LIMCH1: variants seen among roughly 807,000 people sequenced by gnomAD.
The protein encoded by LIMCH1 is LIM and calponin homology domains-containing protein 1.
LIMCH1 carries 113 observed loss-of-function variants against 176.5 expected under a neutral mutation model. That is an observed-to-expected ratio of 0.64 (90% CI 0.55 to 0.75). The LOEUF is 0.75. LIMCH1 is among the 30% of genes least tolerant of loss of function. The pLI is 0.00. For synonymous variants in LIMCH1, 619 were observed against 645.9 expected, an observed-to-expected ratio of 0.96 and a Z score of 0.63; for missense variants, 1,674 against 1,814.9, an observed-to-expected ratio of 0.92 and a Z score of 1.41.
At position 41,642,723 on chromosome 4, in the gene LIMCH1, T is replaced by TTTTTTTC. The variant is rs1295433896; in HGVS notation, c.2127-1763_2127-1757dup. Among the ~76,000 whole-genome samples, 62 of 125,962 alleles carry TTTTTTTC rather than the reference T, an allele frequency of 4.9e-4. 1 individual carries two copies. Among genetic ancestry groups the TTTTTTTC allele is most frequent in the Non-Finnish European group, 6.7e-5 (4 of 59,732 alleles). 82.6% of individuals were successfully genotyped at this position (125,962 alleles called of 152,430 possible). ...ATAGGCGTGTGCTAGCATGCCTAAT[T>TTTTTTTC]TTTTTTCTTTTTTCTTTTTTTTTTT... On this transcript the variant is annotated intron_variant, in intron 14 of 31. Transcript: ENST00000503057.
intron 1 of LIMCH1, among the ~76,000 whole-genome samples, chr4:41,378,590 T>G (rs2154101611): frequency 6.6e-6 from 1 of 152,282 alleles, no homozygotes; most frequent in South Asian, 2.1e-4. Context: ...AAGAAGACAT[T>G]GGTGGTAGTG....
At chr4:41,613,758 T>A in intron 5 of LIMCH1, 97 bp downstream of exon 5, 1 of 1,011,264 alleles carries the variant, frequency 9.9e-7, no homozygotes, top group Non-Finnish European at 1.5e-6. Context: ...GAAAGCAGGC[T>A]CCATATCCAC....
chr4:41,481,599 C>T (rs993125087), intron 1 of LIMCH1, among the ~76,000 whole-genome samples: 1 of 152,034 alleles, frequency 6.6e-6, no homozygotes, highest in Admixed American at 6.6e-5. Flanking sequence ...GTGGCAACTG[C>T]AGTTGTCTGG....
Position 41,632,732 on chromosome 4 carries a change from T to G in LIMCH1, c.1602-17T>G. 1 of 1,529,156 alleles carries G rather than the reference T, an allele frequency of 6.5e-7. No homozygotes were observed. The highest frequency in any genetic ancestry group is 8.8e-7 in the Non-Finnish European group (1 of 1,140,580). The allele number at this position is 1,529,156 out of a possible 1,614,324, so 94.7% of individuals were successfully genotyped here. On this transcript the variant is annotated splice_polypyrimidine_tract_variant and intron_variant, in intron 10 of 31. Transcript: ENST00000503057. ...TCCTCTCCTCTCTTGCCACCAATGC[T>G]ACTTGATCGTCTGCAGAACAATGAA...
Position 41,631,403 on chromosome 4 carries a change from C to T in LIMCH1, c.1527C>T (p.Asp509=). The T allele has an allele frequency of 1.3e-6, 2 of 1,536,104 alleles. No individual in the cohort carries two copies. Among genetic ancestry groups the T allele is most frequent in the African/African-American group, 1.4e-5 (1 of 73,176 alleles). ...VICHGSKIQM[D]SVSPVSAATS... ...GTCATGGCAGCAAGATTCAAATGGACTCTGTGTCTCCTGTCTCAGCGGCCA... is the reference window on the plus strand; with the variant it reads ...GTCATGGCAGCAAGATTCAAATGGATTCTGTGTCTCCTGTCTCAGCGGCCA... The change falls in exon 10 of 32, where the codon GAC becomes GAT. Residue 509 remains aspartate (D), a synonymous_variant. Coordinates refer to ENST00000503057, the MANE Select transcript of LIMCH1 (RefSeq NM_001330672.2).
At chr4:41,495,992 A>G (rs1206848115) in intron 2 of LIMCH1, among the ~76,000 whole-genome samples, 1 of 152,216 alleles carries the variant, frequency 6.6e-6, no homozygotes, top group Non-Finnish European at 1.5e-5. Flanking sequence ...ACTCTTAGGT[A>G]AGCTGCAGTT....
At chr4:41,470,869 G>T (rs990454440) in intron 1 of LIMCH1, among the ~76,000 whole-genome samples, 6 of 151,748 alleles carry the variant, frequency 4.0e-5, no homozygotes, top group Non-Finnish European at 1.5e-5. Context: ...ATTGTCTAGG[G>T]CCTGGGTTGA....
Position 41,613,614 on chromosome 4 carries a change from C to G in LIMCH1, c.158C>G (p.Ser53Cys), listed in dbSNP as rs1166486642. ...FDSLDSFGSRSRQTPSPDVVL... is the reference protein window; with the variant it reads ...FDSLDSFGSRCRQTPSPDVVL... ...AGCCTGGATTCCTTTGGCTCTCGCT[C>G]TCGGCAGACGCCTTCACCAGATGTA... The change falls in exon 5 of 32, where the codon TCT becomes TGT. Residue 53 changes from serine (S) to cysteine (C), a missense_variant. This residue lies in a region of LIMCH1 where 655 missense variants were observed against 692.2 expected (regional missense o/e 0.95). Transcript: ENST00000503057. 5 of 1,614,032 alleles carry G rather than the reference C, an allele frequency of 3.1e-6. No individual in the cohort carries two copies. The highest frequency in any genetic ancestry group is 4.2e-6 in the Non-Finnish European group (5 of 1,180,030).
intron 1 of LIMCH1, among the ~76,000 whole-genome samples, chr4:41,440,418 C>T (rs1364205250): frequency 2.0e-5 from 3 of 152,082 alleles, no homozygotes; most frequent in Non-Finnish European, 4.4e-5. Context: ...GTTATGTGAA[C>T]CAGTATTGGT....
chr4:41,424,890 G>T (rs1321624723), intron 1 of LIMCH1, among the ~76,000 whole-genome samples: 1 of 152,082 alleles, frequency 6.6e-6, no homozygotes, highest in Non-Finnish European at 1.5e-5. Context: ...CTTCTTTTAG[G>T]CTCTGCAGCA....
At chr4:41,574,536 G>A (rs555583904) in intron 1 of LIMCH1, among the ~76,000 whole-genome samples, 1 of 151,846 alleles carries the variant, frequency 6.6e-6, no homozygotes, top group African/African-American at 2.4e-5. Flanking sequence ...TGATCCACCT[G>A]CCTCAGTCTC....
chr4:41,483,316 G>A (rs2068969386), intron 1 of LIMCH1, among the ~76,000 whole-genome samples: 1 of 152,116 alleles, frequency 6.6e-6, no homozygotes, highest in South Asian at 2.1e-4. Context: ...AGGGATGGTG[G>A]TTCTAAAGGA....
intron 1 of LIMCH1, among the ~76,000 whole-genome samples, chr4:41,461,315 G>A (rs938768507): frequency 3.9e-5 from 6 of 152,168 alleles, no homozygotes; most frequent in African/African-American, 1.4e-4. Flanking sequence ...TCTCACTCGA[G>A]TCCTAGAATG....
chr4:41,463,648 T>A (rs1303637000), intron 1 of LIMCH1, among the ~76,000 whole-genome samples: 1 of 151,658 alleles, frequency 6.6e-6, no homozygotes, highest in Admixed American at 6.6e-5. Flanking sequence ...TGATCTCGGC[T>A]CACTGCAGCC....
intron 1 of LIMCH1, among the ~76,000 whole-genome samples, chr4:41,456,473 C>T (rs889020933): frequency 6.6e-6 from 1 of 152,168 alleles, no homozygotes; most frequent in Non-Finnish European, 1.5e-5. Context: ...TTATCAGACT[C>T]ATCTAGATTG....
chr4:41,380,807 G>A lies in LIMCH1; in HGVS notation c.96+19871G>A, dbSNP rs531008721. 5.9e-5 allele frequency among the ~76,000 whole-genome samples: 9 copies of A among 152,270 alleles called. No individual in the cohort carries two copies. In the South Asian group the frequency reaches 1.2e-3, roughly 21 times the overall value. ...AAGAGATGTGCATCCAGGGAATACAGTTATATTCTGTCTGCCAACAACATC... is the reference window on the plus strand; with the variant it reads ...AAGAGATGTGCATCCAGGGAATACAATTATATTCTGTCTGCCAACAACATC... On this transcript the variant is annotated intron_variant, in intron 1 of 26. Transcript: ENST00000313860.
intron 2 of LIMCH1, among the ~76,000 whole-genome samples, chr4:41,495,590 G>A (rs982538903): frequency 3.5e-4 from 54 of 152,286 alleles, no homozygotes; most frequent in African/African-American, 1.2e-3. Context: ...GACACGGAAG[G>A]AATGTGGGTT....
chr4:41,640,680 C>A (rs2093782528), intron 14 of LIMCH1, among the ~76,000 whole-genome samples: 1 of 152,146 alleles, frequency 6.6e-6, no homozygotes, highest in Admixed American at 6.5e-5. Context: ...GGAATTTATT[C>A]TTAAAATAGA....
chr4:41,455,097 A>G (rs2064409950), intron 1 of LIMCH1, among the ~76,000 whole-genome samples: 1 of 152,134 alleles, frequency 6.6e-6, no homozygotes. Context: ...TTTGAGTATT[A>G]TAAATATTTA....
Sources: allele counts gnomAD v4.1 joint callset (sites outside exome capture counted in the v4.1 genomes callset), GRCh38; gene constraint gnomAD v4.1.1; regional missense constraint gnomAD v4.1.1; transcripts MANE v1.5; gene names NCBI Gene and HGNC (gene_info 2026-07-23, HGNC 2026-07-21).